WDSUB1: variants seen among roughly 807,000 people sequenced by gnomAD.
The protein encoded by WDSUB1 is WD repeat, sterile alpha motif and U-box domain containing 1, also known as WD repeat, SAM and U-box domain-containing protein 1.
A neutral mutation model predicts 53.9 loss-of-function variants in WDSUB1; 49 were observed. The observed-to-expected ratio is 0.91, with a 90% CI of 0.72 to 1.15. WDSUB1 has a LOEUF of 1.15. Ranked by LOEUF, WDSUB1 falls within the 50% of genes most tolerant of loss-of-function variation. WDSUB1 has a pLI of 0.00. For missense variants in WDSUB1, 514 were observed against 562.0 expected (o/e 0.91, Z 0.86); for synonymous variants, 194 against 200.6 (o/e 0.97, Z 0.28).
intron 5 of WDSUB1, among the ~76,000 whole-genome samples, chr2:159,270,856 C>CAA (rs972075931): frequency 1.3e-5 from 2 of 151,798 alleles, no homozygotes; most frequent in African/African-American, 4.9e-5. Flanking sequence ...CACACACACA[C>CAA]ATACATATAT....
At chr2:159,285,989 G>A (rs555190359) in intron 1 of WDSUB1, among the ~76,000 whole-genome samples, 25 of 152,122 alleles carry the variant, frequency 1.6e-4, no homozygotes, top group African/African-American at 5.8e-4. Flanking sequence ...AGCTCCCTTT[G>A]CAAGTTCCAG....
intron 10 of WDSUB1, 112 bp downstream of exon 10, chr2:159,248,260 G>GA (rs1293593129): frequency 1.9e-5 from 25 of 1,317,682 alleles, no homozygotes; most frequent in South Asian, 4.3e-5. Flanking sequence ...ATTAGTTTAA[G>GA]AAAAAACTAC....
chr2:159,282,921 A>G lies in WDSUB1; in HGVS notation c.149T>C (p.Leu50Ser). ...RDFTELPHSP[L>S]KFHTYAVHCC... Reference sequence around the variant, plus strand: ...GTGGACAGCATAGGTATGAAACTTCAATGGAGAATGTGGCAGTTCAGTAAA... The same window carrying G: ...GTGGACAGCATAGGTATGAAACTTCGATGGAGAATGTGGCAGTTCAGTAAA... Residue 50 changes from leucine to serine, a missense_variant, in exon 2 of 11, where the codon TTG becomes TCG. Physicochemically the swap from Leu to Ser is moderately radical, Grantham distance 145 (BLOSUM62 -2). Coordinates refer to ENST00000359774, the MANE Select transcript of WDSUB1 (RefSeq NM_001128212.3). 1 of 1,614,196 alleles carries G rather than the reference A, an allele frequency of 6.2e-7. No individual in the cohort carries two copies. The highest frequency in any genetic ancestry group is 8.5e-7 in the Non-Finnish European group (1 of 1,180,040).
At chr2:159,266,551 C>T (rs1340639772) in intron 5 of WDSUB1, among the ~76,000 whole-genome samples, 2 of 152,136 alleles carry the variant, frequency 1.3e-5, no homozygotes, top group Non-Finnish European at 2.9e-5. Context: ...AACCACTGAC[C>T]TAAATCATGA....
chr2:159,271,235 AC>A lies in WDSUB1; in HGVS notation c.770+466del, dbSNP rs558813455. On this transcript the variant is annotated intron_variant, in intron 5 of 10. Coordinates refer to ENST00000359774, the MANE Select transcript of WDSUB1 (RefSeq NM_001128212.3). ...CTTACAGAAATGCATGAACATGTAC[AC>A]CAGGACATACAATATATTCATAGAA... Among the ~76,000 whole-genome samples the A allele has an allele frequency of 4.6e-5, 7 of 152,320 alleles. No individual in the cohort carries two copies. The South Asian group carries it at 1.4e-3, about 32-fold the overall frequency.
At chr2:159,242,971 A>G (rs978832831) in intron 10 of WDSUB1, among the ~76,000 whole-genome samples, 6 of 148,206 alleles carry the variant, frequency 4.0e-5, no homozygotes, top group African/African-American at 1.3e-4. Flanking sequence ...ATATTCAGAA[A>G]AATGTAGGTG....
At chr2:159,262,737 GAT>G (rs1204255640) in intron 5 of WDSUB1, among the ~76,000 whole-genome samples, 1 of 152,162 alleles carries the variant, frequency 6.6e-6, no homozygotes, top group East Asian at 1.9e-4. Context: ...GAGTTTGAGA[GAT>G]CAGGAGAATA....
chr2:159,235,863 A>T lies in WDSUB1; in HGVS notation c.*170T>A. 1.9e-6 allele frequency: 1 copy of T among 523,448 alleles called. No homozygotes were observed. The highest frequency in any genetic ancestry group is 2.9e-6 in the Non-Finnish European group (1 of 340,138). The allele number at this position is 523,448 out of a possible 1,614,324, so 32.4% of individuals were successfully genotyped here. A position where few individuals can be genotyped will look rare whatever the true frequency, so the allele number is the denominator to read the frequency against. ...TTCACTAGTACAAAAAGGCTTTTATAGTAAGTCCATGTGTTTTTTAAAGAA... is the reference window on the plus strand; with the variant it reads ...TTCACTAGTACAAAAAGGCTTTTATTGTAAGTCCATGTGTTTTTTAAAGAA... On this transcript the variant is annotated 3_prime_UTR_variant, in exon 11 of 11. Coordinates refer to ENST00000359774, the MANE Select transcript of WDSUB1 (RefSeq NM_001128212.3).
At chr2:159,236,256 G>T in intron 10 of WDSUB1, 66 bp from the exon 11 acceptor site, 1 of 1,500,144 alleles carries the variant, frequency 6.7e-7, no homozygotes, top group South Asian at 1.3e-5. Context: ...CTAAAATGAA[G>T]TGAATGTAAA....
chr2:159,257,751 T>C lies in WDSUB1; in HGVS notation c.952+7A>G. ...TGAAATGAGTGAAAAATGATGTCCT[T>C]ACTAACCTTGGCAAAGTGTTTCCAG... On this transcript the variant is annotated splice_region_variant and intron_variant, in intron 8 of 10. Transcript: ENST00000359774. 6.2e-7 allele frequency: 1 copy of C among 1,611,380 alleles called. No homozygotes were observed. The highest frequency in any genetic ancestry group is 1.3e-5 in the African/African-American group (1 of 74,898).
chr2:159,275,648 A>C lies in WDSUB1; in HGVS notation c.584-10T>G. 6.3e-7 allele frequency: 1 copy of C among 1,586,050 alleles called. No individual in the cohort carries two copies. The highest frequency in any genetic ancestry group is 8.5e-7 in the Non-Finnish European group (1 of 1,171,212). On this transcript the variant is annotated splice_polypyrimidine_tract_variant and intron_variant, in intron 3 of 10. Transcript: ENST00000359774. ...AGACCTTGTTCTCCATCTAAAATTT[A>C]TTAAAAATAAATACAGAGAATTTGT...
In WDSUB1 at chr2:159,256,361, G is replaced by A; in HGVS notation, c.967C>T (p.His323Tyr). ...ETLCQARRTEHQLKQFTEDWS... is the reference protein window; with the variant it reads ...ETLCQARRTEYQLKQFTEDWS... ...TCTTCGGTAAATTGCTTCAGCTGAT[G>A]TTCTGTGCGCCTTGCTTAAAATAAA... The change falls in exon 9 of 11, where the codon CAT (histidine) becomes TAT (tyrosine). Residue 323 changes from histidine (H) to tyrosine (Y), a missense_variant. His to Tyr is a moderately conservative substitution (Grantham distance 83). Transcript: ENST00000359774. 3 of 1,611,224 alleles carry A rather than the reference G, an allele frequency of 1.9e-6. No individual in the cohort carries two copies. Among genetic ancestry groups the A allele is most frequent in the Non-Finnish European group, 2.5e-6 (3 of 1,179,210 alleles).
chr2:159,253,185 AATGAG>A (rs2060986998), intron 9 of WDSUB1, among the ~76,000 whole-genome samples: 1 of 152,214 alleles, frequency 6.6e-6, no homozygotes, highest in South Asian at 2.1e-4. Flanking sequence ...ATGCCTTTTG[AATGAG>A]ATATTAAATG....
intron 9 of WDSUB1, among the ~76,000 whole-genome samples, chr2:159,255,363 A>T (rs904915182): frequency 1.3e-5 from 2 of 152,190 alleles, no homozygotes; most frequent in Non-Finnish European, 2.9e-5. Context: ...GCTACTCGGG[A>T]GGCTGAGGCA....
At chr2:159,281,953 G>A (rs1433791917) in intron 2 of WDSUB1, among the ~76,000 whole-genome samples, 1 of 151,936 alleles carries the variant, frequency 6.6e-6, no homozygotes, top group Non-Finnish European at 1.5e-5. Context: ...CTCCAGCCTG[G>A]GCAACAAGAG....
chr2:159,280,127 G>A (rs11676586), intron 2 of WDSUB1, among the ~76,000 whole-genome samples, 182 bp from the exon 3 acceptor site: 53,490 of 152,006 alleles, frequency 0.35, 12,388 homozygotes, highest in Non-Finnish European at 0.54. Flanking sequence ...GAGATATACT[G>A]TCTAAAAGCA....
intron 5 of WDSUB1, among the ~76,000 whole-genome samples, 186 bp from the exon 6 acceptor site, chr2:159,260,029 C>A (rs758442744): frequency 6.6e-6 from 1 of 152,154 alleles, no homozygotes; most frequent in Non-Finnish European, 1.5e-5. Context: ...CGTGGCCAGG[C>A]GCAGCGGCTC....
chr2:159,236,829 C>T (rs1000275288), intron 10 of WDSUB1, among the ~76,000 whole-genome samples: 22 of 152,108 alleles, frequency 1.4e-4, no homozygotes, highest in Non-Finnish European at 3.2e-4. Flanking sequence ...CTATGTTGGC[C>T]AGTCTGGTCT....
intron 5 of WDSUB1, among the ~76,000 whole-genome samples, chr2:159,261,514 CTT>C (rs1380864116): frequency 2.6e-5 from 4 of 152,118 alleles, no homozygotes; most frequent in African/African-American, 7.2e-5. Flanking sequence ...TTTACAGACA[CTT>C]TTATTTAATC....
Sources: allele counts gnomAD v4.1 joint callset (sites outside exome capture counted in the v4.1 genomes callset), GRCh38; gene constraint gnomAD v4.1.1; transcripts MANE v1.5; gene names NCBI Gene and HGNC (gene_info 2026-07-23, HGNC 2026-07-21).